Variants in GRM5 observed in about 807,000 individuals in gnomAD.
GRM5 encodes metabotropic glutamate receptor 5.
In GRM5, 19 loss-of-function variants were observed where a neutral mutation model predicts 83.1. The observed-to-expected ratio is 0.23, with a 90% CI of 0.16 to 0.34. The LOEUF (loss-of-function observed/expected upper bound fraction) is 0.34. Ranked by LOEUF, GRM5 falls within the 10% of genes least tolerant of loss-of-function variation. The probability of loss-of-function intolerance (pLI) is 1.00; values close to 1 mark genes in which losing one functional copy is unlikely to be tolerated. For synonymous variants in GRM5, 675 were observed against 633.6 expected (o/e 1.07, Z -0.98); for missense variants, 1,160 against 1,588.3 (o/e 0.73, Z 4.58).
At chr11:88,595,433 T>C (rs371059058) in intron 6 of GRM5, among the ~76,000 whole-genome samples, 3 of 152,312 alleles carry the variant, frequency 2.0e-5, no homozygotes, top group African/African-American at 4.8e-5. Context: ...TAGTATGCTC[T>C]GTTCTAATTT....
intron 3 of GRM5, among the ~76,000 whole-genome samples, chr11:88,782,930 G>A (rs906560602): frequency 2.0e-5 from 3 of 152,048 alleles, no homozygotes; most frequent in Admixed American, 6.6e-5. Context: ...GGCAACAAAT[G>A]TATTAGTTAA....
chr11:88,593,733 C>T (rs1478143561), intron 6 of GRM5, among the ~76,000 whole-genome samples: 4 of 149,640 alleles, frequency 2.7e-5, no homozygotes, highest in Non-Finnish European at 5.9e-5. Flanking sequence ...TTCTTCCTTC[C>T]CTCCCTCCCT....
At chr11:88,976,813 T>C (rs1372641382) in intron 2 of GRM5, among the ~76,000 whole-genome samples, 1 of 152,120 alleles carries the variant, frequency 6.6e-6, no homozygotes, top group African/African-American at 2.4e-5. Flanking sequence ...AGTTCTTTTA[T>C]GCTGCTAGTG....
At chr11:88,560,122 C>A (rs1942720307) in intron 8 of GRM5, among the ~76,000 whole-genome samples, 1 of 152,062 alleles carries the variant, frequency 6.6e-6, no homozygotes, top group Admixed American at 6.6e-5. Flanking sequence ...AGAAGCAAGG[C>A]TAGCTAAGGG....
chr11:88,824,014 A>G (rs1025982912), intron 3 of GRM5, among the ~76,000 whole-genome samples: 14 of 152,158 alleles, frequency 9.2e-5, no homozygotes, highest in Non-Finnish European at 2.1e-4. Context: ...GGAAGGTTCT[A>G]TACTGCATAT....
At chr11:89,042,277 G>A (rs1334033933) in intron 2 of GRM5, among the ~76,000 whole-genome samples, 1 of 152,090 alleles carries the variant, frequency 6.6e-6, no homozygotes, top group Non-Finnish European at 1.5e-5. Context: ...AAGGGAGAGT[G>A]AATAAAACAA....
chr11:88,550,145 G>C (rs577571380), intron 8 of GRM5, among the ~76,000 whole-genome samples: 2 of 152,190 alleles, frequency 1.3e-5, no homozygotes, highest in South Asian at 4.1e-4. Context: ...TTCAATCAAG[G>C]TCTGGAGAAG....
chr11:88,809,931 C>T (rs182439924), intron 3 of GRM5, among the ~76,000 whole-genome samples: 1 of 152,132 alleles, frequency 6.6e-6, no homozygotes, highest in East Asian at 1.9e-4. Flanking sequence ...AAATGTGTTT[C>T]TTAAACCTGA....
chr11:88,676,342 A>C (rs1452905320), intron 3 of GRM5, among the ~76,000 whole-genome samples: 1 of 151,908 alleles, frequency 6.6e-6, no homozygotes, highest in Non-Finnish European at 1.5e-5. Flanking sequence ...TTTATTAGGC[A>C]CCTATTATAT....
intron 3 of GRM5, among the ~76,000 whole-genome samples, chr11:88,662,923 C>A (rs1939944011): frequency 6.6e-6 from 1 of 152,196 alleles, no homozygotes; most frequent in Non-Finnish European, 1.5e-5. Flanking sequence ...TTCGCCAATA[C>A]CCTGACTACA....
chr11:88,532,088 G>A (rs1040697159), intron 8 of GRM5, among the ~76,000 whole-genome samples: 1 of 152,094 alleles, frequency 6.6e-6, no homozygotes, highest in Non-Finnish European at 1.5e-5. Flanking sequence ...CTGTGAAAGC[G>A]AGTTGGAAAA....
intron 3 of GRM5, among the ~76,000 whole-genome samples, chr11:88,692,531 G>C (rs570901343): frequency 1.1e-4 from 16 of 152,264 alleles, no homozygotes; most frequent in African/African-American, 3.6e-4. Context: ...GTCACCTCTA[G>C]TGAGTCACTT....
At chr11:88,661,902 A>G (rs558212562) in intron 3 of GRM5, among the ~76,000 whole-genome samples, 145 of 152,242 alleles carry the variant, frequency 9.5e-4, no homozygotes, top group Middle Eastern at 3.4e-3. Context: ...AATTAATTCC[A>G]AAAAGAATCA....
At chr11:88,873,992 G>A (rs1320090221) in intron 2 of GRM5, among the ~76,000 whole-genome samples, 2 of 151,582 alleles carry the variant, frequency 1.3e-5, no homozygotes, top group African/African-American at 2.4e-5. Flanking sequence ...TAAATTTATG[G>A]ATATGTACAA....
At chr11:89,009,957 T>C (rs1940651798) in intron 2 of GRM5, among the ~76,000 whole-genome samples, 1 of 134,220 alleles carries the variant, frequency 7.5e-6, no homozygotes, top group South Asian at 2.4e-4. Context: ...ATGTTTACAA[T>C]TGTAATAAAT....
chr11:88,539,057 A>G (rs531749716), intron 8 of GRM5, among the ~76,000 whole-genome samples: 2 of 152,218 alleles, frequency 1.3e-5, no homozygotes, highest in East Asian at 1.9e-4. Context: ...ACCCTTTTGG[A>G]TAGGAAGACT....
intron 6 of GRM5, among the ~76,000 whole-genome samples, chr11:88,595,309 T>A (rs765746134): frequency 5.6e-4 from 85 of 152,264 alleles, no homozygotes; most frequent in Admixed American, 3.9e-4. Context: ...TTTAACTGTA[T>A]TCATCCTACA....
intron 3 of GRM5, among the ~76,000 whole-genome samples, chr11:88,797,038 T>C (rs185158762): frequency 7.9e-5 from 12 of 152,196 alleles, no homozygotes; most frequent in African/African-American, 2.6e-4. Flanking sequence ...AATTAATGTA[T>C]ACAAAATTAG....
intron 3 of GRM5, among the ~76,000 whole-genome samples, chr11:88,680,513 C>G (rs1332521726): frequency 6.6e-6 from 1 of 152,156 alleles, no homozygotes; most frequent in Non-Finnish European, 1.5e-5. Flanking sequence ...GAAATAGGAA[C>G]ACTTTTACAC....
Sources: gnomAD v4.1 joint callset for allele counts (sites outside exome capture counted in the v4.1 genomes callset) on GRCh38, gnomAD v4.1.1 for gene constraint, MANE v1.5 for transcripts, NCBI Gene and HGNC (gene_info 2026-07-23, HGNC 2026-07-21) for gene names.